ATG10: variants seen among roughly 807,000 people sequenced by gnomAD.
The protein encoded by ATG10 is autophagy related 10.
ATG10 carries 30 observed loss-of-function variants against 32.1 expected under a neutral mutation model. The observed-to-expected ratio is 0.94, with a 90% CI of 0.70 to 1.27. The LOEUF is 1.27. Among genes scored for constraint, ATG10 ranks in the 50% most tolerant of loss-of-function variants. The probability of loss-of-function intolerance (pLI) is 0.00; values close to 1 mark genes in which losing one functional copy is unlikely to be tolerated. For missense variants in ATG10, 233 were observed against 262.3 expected (o/e 0.89, Z 0.77); for synonymous variants, 87 against 91.5 (o/e 0.95, Z 0.28).
chr5:82,098,589 C>T (rs1289117422), intron 3 of ATG10, among the ~76,000 whole-genome samples: 4 of 152,114 alleles, frequency 2.6e-5, no homozygotes, highest in African/African-American at 9.7e-5. Context: ...GGATTACAGG[C>T]GTGAGCCACT....
chr5:82,009,586 C>A (rs1039775757), intron 2 of ATG10: 1 of 1,571,438 alleles, frequency 6.4e-7, no homozygotes, highest in African/African-American at 1.3e-5. Flanking sequence ...AGATAAAACA[C>A]AAGTCAAACT....
At chr5:82,088,432 G>C (rs1320857514) in intron 3 of ATG10, among the ~76,000 whole-genome samples, 1 of 152,092 alleles carries the variant, frequency 6.6e-6, no homozygotes. Flanking sequence ...GAAAATTGTT[G>C]AAATACCCAG....
intron 2 of ATG10, among the ~76,000 whole-genome samples, chr5:82,024,519 T>C (rs1335491301): frequency 6.6e-6 from 1 of 152,206 alleles, no homozygotes. Context: ...TTCTAGTAAT[T>C]CAGTTTTAGT....
At chr5:82,137,928 G>C (rs934347033) in intron 3 of ATG10, among the ~76,000 whole-genome samples, 2 of 152,234 alleles carry the variant, frequency 1.3e-5, no homozygotes, top group African/African-American at 2.4e-5. Context: ...CCTGCCCAGA[G>C]AGGAGGAATC....
chr5:82,179,400 T>C lies in ATG10; in HGVS notation c.453+813T>C, dbSNP rs189250789. Among the ~76,000 whole-genome samples the C allele has an allele frequency of 1.8e-4, 28 of 152,216 alleles. No individual in the cohort carries two copies. In the East Asian group the frequency reaches 4.8e-3, roughly 26 times the overall value. On this transcript the variant is annotated intron_variant, in intron 5 of 7. Coordinates refer to ENST00000282185, the MANE Select transcript of ATG10 (RefSeq NM_031482.5). ...CTAAGTTGGCTTATATATTAAGAAATAGATGATTTGGCTTATGTAATCTAT... is the reference window on the plus strand; with the variant it reads ...CTAAGTTGGCTTATATATTAAGAAACAGATGATTTGGCTTATGTAATCTAT...
At chr5:82,169,520 G>T (rs1306106690) in intron 4 of ATG10, among the ~76,000 whole-genome samples, 4 of 148,232 alleles carry the variant, frequency 2.7e-5, no homozygotes, top group African/African-American at 4.9e-5. Flanking sequence ...GTGGATTAGA[G>T]AAGTATTTTA....
Position 81,982,561 on chromosome 5 carries a change from TTTTA to T in ATG10, c.-12-4982_-12-4979del, listed in dbSNP as rs926882561. ...GATTCATTGTTTTTTTTTTTTCCCC[TTTTA>T]TTTATTTATTTATTTTTATTGATCA... is the stretch of plus-strand genomic sequence containing the variant. On this transcript the variant is annotated intron_variant, in intron 1 of 7. Transcript: ENST00000282185. 2.3e-4 allele frequency among the ~76,000 whole-genome samples: 35 copies of T among 151,954 alleles called. 1 individual carries two copies. Among genetic ancestry groups the T allele is most frequent in the Admixed American group, 5.2e-4 (8 of 15,254 alleles).
chr5:82,238,676 TG>T (rs1746667077), intron 5 of ATG10, among the ~76,000 whole-genome samples: 1 of 152,176 alleles, frequency 6.6e-6, no homozygotes, highest in South Asian at 2.1e-4. Flanking sequence ...AATAAATGGA[TG>T]GGCAGATGGA....
At chr5:82,109,841 A>G (rs1277961598) in intron 3 of ATG10, among the ~76,000 whole-genome samples, 3 of 151,334 alleles carry the variant, frequency 2.0e-5, no homozygotes, top group Non-Finnish European at 2.9e-5. Flanking sequence ...TCTAGGGTAC[A>G]TGTGCACAAT....
chr5:82,197,720 TTCTATCTATCTA>T (rs10586711), intron 5 of ATG10, among the ~76,000 whole-genome samples: 5,247 of 143,886 alleles, frequency 0.036, 102 homozygotes, highest in Non-Finnish European at 0.043. Context: ...CTTTCTTTCT[TTCTATCTATCTA>T]TCTATCTATC....
intron 3 of ATG10, 103 bp from the exon 4 acceptor site, chr5:82,164,296 T>C: frequency 8.4e-7 from 1 of 1,191,392 alleles, no homozygotes; most frequent in Admixed American, 2.1e-5. Flanking sequence ...CTTATATTTA[T>C]TTAACTGTTA....
At chr5:82,252,755 TTAA>T (rs952756463) in intron 6 of ATG10, 96 bp downstream of exon 6, 17 of 687,842 alleles carry the variant, frequency 2.5e-5, no homozygotes, top group Non-Finnish European at 3.5e-5. Context: ...AAAAGAAATA[TTAA>T]TAATAATAAT....
chr5:81,975,568 G>A (rs1162939262), intron 1 of ATG10, among the ~76,000 whole-genome samples: 1 of 152,078 alleles, frequency 6.6e-6, no homozygotes, highest in African/African-American at 2.4e-5. Flanking sequence ...TGTGGTCCCA[G>A]CTACTCAAGA....
chr5:82,128,115 T>G (rs1766353880), intron 3 of ATG10, among the ~76,000 whole-genome samples: 1 of 152,062 alleles, frequency 6.6e-6, no homozygotes, highest in Admixed American at 6.5e-5. Context: ...CCCTGATTTT[T>G]TGTTTTTTTG....
chr5:82,118,417 T>TATATATATATATG (rs1472778722), intron 3 of ATG10, among the ~76,000 whole-genome samples: 1 of 141,194 alleles, frequency 7.1e-6, no homozygotes, highest in African/African-American at 2.6e-5. Flanking sequence ...TATGTATATA[T>TATATATATATATG]TCCCTAGCAC....
In ATG10 at chr5:82,219,908, G is replaced by A. The variant is rs79314158; in HGVS notation, c.454-32654G>A. Among the ~76,000 whole-genome samples the A allele has an allele frequency of 5.8e-3, 877 of 152,326 alleles. 7 individuals are homozygous for A. Among genetic ancestry groups the A allele is most frequent in the African/African-American group, 0.02 (824 of 41,584 alleles). On this transcript the variant is annotated intron_variant, in intron 5 of 7. Coordinates refer to ENST00000282185, the MANE Select transcript of ATG10 (RefSeq NM_031482.5). ...GTTGTTATGGTTAGTGCTGGGGATA[G>A]AACACAGCTAACACACAGTCCTTGC...
chr5:82,082,062 A>G (rs967780415), intron 3 of ATG10, among the ~76,000 whole-genome samples: 2 of 152,158 alleles, frequency 1.3e-5, no homozygotes, highest in Admixed American at 6.5e-5. Context: ...ACAGTGCAGG[A>G]AAGACCTGCC....
chr5:81,992,635 C>G (rs1163453682), intron 2 of ATG10, among the ~76,000 whole-genome samples: 2 of 151,912 alleles, frequency 1.3e-5, no homozygotes, highest in Non-Finnish European at 2.9e-5. Context: ...AACACCTGAC[C>G]TTAAGTGATC....
intron 3 of ATG10, among the ~76,000 whole-genome samples, chr5:82,073,989 T>C (rs1222114732): frequency 6.6e-6 from 1 of 152,224 alleles, no homozygotes; most frequent in East Asian, 1.9e-4. Flanking sequence ...TTCTGTATCA[T>C]AACTGTTAGT....
Sources: gnomAD v4.1 joint callset for allele counts (sites outside exome capture counted in the v4.1 genomes callset) on GRCh38, gnomAD v4.1.1 for gene constraint, MANE v1.5 for transcripts, NCBI Gene and HGNC (gene_info 2026-07-23, HGNC 2026-07-21) for gene names.